Variants in DPYD observed in about 807,000 individuals in gnomAD.
DPYD encodes the protein dihydropyrimidine dehydrogenase [NADP(+)].
Under a neutral mutation model 116.2 loss-of-function variants are expected in DPYD, and 109 were observed. The ratio of observed to expected loss-of-function variants is 0.94; its 90% CI spans 0.80 to 1.10. DPYD has a LOEUF of 1.10. DPYD is among the 50% of genes least tolerant of loss of function. The probability of loss-of-function intolerance (pLI) is 0.00; values close to 1 mark genes in which losing one functional copy is unlikely to be tolerated. For synonymous variants in DPYD, 440 were observed against 432.0 expected (o/e 1.02, Z -0.23); for missense variants, 1,302 against 1,254.5 (o/e 1.04, Z -0.57).
chr1:97,293,301 A>C (rs1275290609), intron 18 of DPYD, among the ~76,000 whole-genome samples: 1 of 152,196 alleles, frequency 6.6e-6, no homozygotes, highest in African/African-American at 2.4e-5. Context: ...GCTTAATGGA[A>C]TAAATTAATA....
At chr1:97,085,042 A>G (rs1457139371) in intron 21 of DPYD, among the ~76,000 whole-genome samples, 1 of 152,236 alleles carries the variant, frequency 6.6e-6, no homozygotes, top group Non-Finnish European at 1.5e-5. Context: ...TAAATACAAA[A>G]TAATCATAGT....
At chr1:97,410,729 G>T (rs1673941022) in intron 14 of DPYD, among the ~76,000 whole-genome samples, 1 of 152,006 alleles carries the variant, frequency 6.6e-6, no homozygotes, top group Non-Finnish European at 1.5e-5. Context: ...TTTATAGATA[G>T]ATTTATATTT....
intron 13 of DPYD, among the ~76,000 whole-genome samples, chr1:97,488,940 C>G (rs990739406): frequency 6.6e-6 from 1 of 152,228 alleles, no homozygotes; most frequent in African/African-American, 2.4e-5. Flanking sequence ...TGCTCCACAA[C>G]GAGCTGTACC....
chr1:97,710,050 T>TA (rs1662197942), intron 5 of DPYD, among the ~76,000 whole-genome samples: 1 of 151,832 alleles, frequency 6.6e-6, no homozygotes, highest in Admixed American at 6.6e-5. Flanking sequence ...TGCAAGTGTT[T>TA]ACCTTGATTT....
At chr1:97,711,942 GAATAACTCTT>G (rs1272137471) in intron 5 of DPYD, among the ~76,000 whole-genome samples, 3 of 151,698 alleles carry the variant, frequency 2.0e-5, no homozygotes, top group Admixed American at 6.6e-5. Flanking sequence ...TCCTTCTAAA[GAATAACTCTT>G]AGTAGATGCA....
chr1:97,876,642 G>T (rs1671936129), intron 2 of DPYD, among the ~76,000 whole-genome samples: 1 of 151,968 alleles, frequency 6.6e-6, no homozygotes, highest in African/African-American at 2.4e-5. Flanking sequence ...TGAGGTGGTT[G>T]TAGTTTTGCT....
intron 20 of DPYD, among the ~76,000 whole-genome samples, chr1:97,189,459 C>A (rs771253099): frequency 1.3e-5 from 2 of 152,172 alleles, no homozygotes; most frequent in Non-Finnish European, 2.9e-5. Context: ...AAAGTGAAGA[C>A]ATTTTCTTTC....
At chr1:97,429,316 A>G (rs1438772332) in intron 14 of DPYD, among the ~76,000 whole-genome samples, 2 of 152,058 alleles carry the variant, frequency 1.3e-5, no homozygotes, top group Non-Finnish European at 2.9e-5. Flanking sequence ...TTGATTTTCT[A>G]TTTTACCTAA....
intron 20 of DPYD, among the ~76,000 whole-genome samples, chr1:97,168,793 CT>C (rs1194638077): frequency 1.3e-5 from 2 of 151,912 alleles, no homozygotes; most frequent in Admixed American, 6.6e-5. Flanking sequence ...TGATTAGGCA[CT>C]ACACCTGACT....
intron 8 of DPYD, among the ~76,000 whole-genome samples, chr1:97,634,492 A>T (rs1003460705): frequency 1.3e-5 from 2 of 152,100 alleles, no homozygotes; most frequent in African/African-American, 4.8e-5. Flanking sequence ...AAAATAACTA[A>T]TACATAACAA....
chr1:97,260,845 G>A (rs1663826617), intron 18 of DPYD, among the ~76,000 whole-genome samples: 1 of 152,072 alleles, frequency 6.6e-6, no homozygotes, highest in Non-Finnish European at 1.5e-5. Flanking sequence ...AAATGCCAGG[G>A]GAATGTAGCA....
rs1660303910 is a variant in DPYD, at chr1:97,679,112, G to A, written c.833C>T (p.Ala278Val). 6.4e-7 allele frequency: 1 copy of A among 1,573,154 alleles called. No homozygotes were observed. Among genetic ancestry groups the A allele is most frequent in the South Asian group, 1.2e-5 (1 of 85,626 alleles). ...LSTLKEKGYKAAFIGIGLPEP... is the reference protein window; with the variant it reads ...LSTLKEKGYKVAFIGIGLPEP... Reference sequence around the variant, plus strand: ...CTACTCACCTATTCCAATGAAAGCAGCTTTGTAGCCTTTTTCTTTCAAAGT... The same window carrying A: ...CTACTCACCTATTCCAATGAAAGCAACTTTGTAGCCTTTTTCTTTCAAAGT... Residue 278 changes from alanine (A) to valine (V), a missense_variant, in exon 8 of 23, where the codon GCT (alanine) becomes GTT (valine). Coordinates refer to ENST00000370192, the MANE Select transcript of DPYD (RefSeq NM_000110.4).
chr1:97,232,372 G>A (rs1056020760), intron 19 of DPYD, among the ~76,000 whole-genome samples: 8 of 152,030 alleles, frequency 5.3e-5, no homozygotes, highest in Non-Finnish European at 1.0e-4. Flanking sequence ...GATGGATTTT[G>A]GTATGGATTT....
chr1:97,674,710 T>C (rs991380645), intron 8 of DPYD, among the ~76,000 whole-genome samples: 3 of 151,868 alleles, frequency 2.0e-5, no homozygotes, highest in Admixed American at 2.0e-4. Flanking sequence ...CCACACTACG[T>C]CCCACTCCTG....
chr1:97,465,912 C>A (rs1677296642), intron 13 of DPYD, among the ~76,000 whole-genome samples: 1 of 152,142 alleles, frequency 6.6e-6, no homozygotes, highest in South Asian at 2.1e-4. Context: ...GAGTTCAAGA[C>A]CAGCCTGGAC....
At chr1:97,258,618 G>C (rs1484576419) in intron 18 of DPYD, among the ~76,000 whole-genome samples, 1 of 152,128 alleles carries the variant, frequency 6.6e-6, no homozygotes. Flanking sequence ...CTTTGCTTTT[G>C]TAAGAACTCA....
At chr1:97,288,374 A>G (rs892853399) in intron 18 of DPYD, among the ~76,000 whole-genome samples, 1 of 151,648 alleles carries the variant, frequency 6.6e-6, no homozygotes, top group Non-Finnish European at 1.5e-5. Context: ...CCAAATCAAC[A>G]GAATATACAT....
chr1:97,441,138 A>C (rs1258628262), intron 14 of DPYD, among the ~76,000 whole-genome samples: 1 of 151,978 alleles, frequency 6.6e-6, no homozygotes, highest in Non-Finnish European at 1.5e-5. Context: ...GGTTTGATTA[A>C]TCTGATTACA....
intron 3 of DPYD, among the ~76,000 whole-genome samples, chr1:97,756,834 C>T (rs772054810): frequency 2.0e-5 from 3 of 152,050 alleles, no homozygotes; most frequent in African/African-American, 7.2e-5. Context: ...ATGCTATATT[C>T]TTTCAATTTT....
Sources: allele counts gnomAD v4.1 joint callset (sites outside exome capture counted in the v4.1 genomes callset), GRCh38; gene constraint gnomAD v4.1.1; transcripts MANE v1.5; gene names NCBI Gene and HGNC (gene_info 2026-07-23, HGNC 2026-07-21).